The following AGBL1 variants were observed in gnomAD, a reference collection of about 807,000 sequenced individuals.
AGBL1 encodes the protein AGBL carboxypeptidase 1, also known as cytosolic carboxypeptidase 4.
In AGBL1, 130 loss-of-function variants were observed where a neutral mutation model predicts 118.9. The observed-to-expected ratio is 1.09, with a 90% confidence interval of 0.95 to 1.26. The LOEUF (loss-of-function observed/expected upper bound fraction) is 1.26, where lower values mean the gene tolerates loss of function less well. Ranked by LOEUF, AGBL1 falls within the 50% of genes most tolerant of loss-of-function variation. The pLI is 0.00. For synonymous variants in AGBL1, 555 were observed against 478.9 expected, an observed-to-expected ratio of 1.16 and a Z score of -2.08; for missense variants, 1,584 against 1,298.1, an observed-to-expected ratio of 1.22 and a Z score of -3.38.
At chr15:86,825,654 GGGAAGGGAAAGAGGGAGGGAGGAA>G (rs1229077862) in intron 22 of AGBL1, among the ~76,000 whole-genome samples, 1 of 143,782 alleles carries the variant, frequency 7.0e-6, no homozygotes, top group Non-Finnish European at 1.5e-5. Flanking sequence ...AAGAAAGGAA[GGGAAGGGAAAGAGGGAGGGAGGAA>G]GGAAGGGAGA....
chr15:86,643,839 A>G lies in AGBL1; in HGVS notation c.2995-30434A>G, dbSNP rs139681566. Among the ~76,000 whole-genome samples, 15 of 152,296 alleles carry G rather than the reference A, an allele frequency of 9.8e-5. No individual in the cohort carries two copies. The East Asian group carries it at 1.5e-3, about 16-fold the overall frequency. On this transcript the variant is annotated intron_variant, in intron 21 of 22. Coordinates refer to ENST00000614907, the MANE Select transcript of AGBL1 (RefSeq NM_001386094.1). ...TGTGGACATATCTAAATAGTTTACT[A>G]TTTTGTTATGCATTTACTCTTTAAC...
At chr15:86,368,211 G>A (rs371025044) in intron 17 of AGBL1, among the ~76,000 whole-genome samples, 1 of 151,926 alleles carries the variant, frequency 6.6e-6, no homozygotes, top group Non-Finnish European at 1.5e-5. Context: ...AATATTTCTG[G>A]ACTGGGGGTC....
At chr15:86,918,412 TCTC>T (rs1567239913), downstream of AGBL1, among the ~76,000 whole-genome samples, 4 of 152,086 alleles carry the variant, frequency 2.6e-5, no homozygotes. Flanking sequence ...GCAGTGGACA[TCTC>T]CTCCCTTCAT....
At chr15:86,241,562 G>T (rs2078641375) in intron 6 of AGBL1, among the ~76,000 whole-genome samples, 1 of 152,064 alleles carries the variant, frequency 6.6e-6, no homozygotes, top group African/African-American at 2.4e-5. Context: ...CAAGATCAAG[G>T]GTGTGGCATC....
At chr15:86,782,838 G>A (rs1351687891) in intron 22 of AGBL1, among the ~76,000 whole-genome samples, 3 of 152,170 alleles carry the variant, frequency 2.0e-5, no homozygotes, top group Non-Finnish European at 4.4e-5. Flanking sequence ...GCAGTGAAAT[G>A]TTTTAAGAAT....
intron 17 of AGBL1, chr15:86,296,517 C>G (rs1000577527): frequency 6.6e-6 from 1 of 152,286 alleles, no homozygotes; most frequent in South Asian, 2.1e-4. Context: ...ACACAGCCTT[C>G]CCTGAGGAAG....
chr15:86,485,727 G>A (rs887596635), intron 18 of AGBL1, among the ~76,000 whole-genome samples: 4 of 152,082 alleles, frequency 2.6e-5, no homozygotes, highest in African/African-American at 9.7e-5. Flanking sequence ...GTGGACCGTA[G>A]TTTGCAAACT....
downstream of AGBL1, chr15:87,029,065 C>T: frequency 4.0e-6 from 2 of 498,064 alleles, no homozygotes; most frequent in Middle Eastern, 3.2e-4. Context: ...GTTCATAGTT[C>T]TCTGAACCTA....
At chr15:86,171,908 G>A (rs1211732305) in intron 5 of AGBL1, among the ~76,000 whole-genome samples, 3 of 152,166 alleles carry the variant, frequency 2.0e-5, no homozygotes, top group Admixed American at 6.5e-5. Context: ...GATGAAATTG[G>A]TGACTATTAT....
chr15:86,731,307 A>G (rs938777577), intron 22 of AGBL1, among the ~76,000 whole-genome samples: 2 of 152,184 alleles, frequency 1.3e-5, no homozygotes, highest in Non-Finnish European at 2.9e-5. Context: ...GACTAACTTC[A>G]TGGGGGACAC....
chr15:86,536,613 A>G (rs1345936757), intron 19 of AGBL1, among the ~76,000 whole-genome samples: 1 of 152,202 alleles, frequency 6.6e-6, no homozygotes, highest in Non-Finnish European at 1.5e-5. Flanking sequence ...CTGGTCAAAA[A>G]TCTGGGATGT....
intron 18 of AGBL1, among the ~76,000 whole-genome samples, chr15:86,405,486 A>G (rs2142002027): frequency 6.6e-6 from 1 of 152,128 alleles, no homozygotes; most frequent in South Asian, 2.1e-4. Context: ...CAGCCTGGGC[A>G]ACAGAGTGAG....
At chr15:86,589,838 G>T (rs2084307799) in intron 21 of AGBL1, among the ~76,000 whole-genome samples, 1 of 151,994 alleles carries the variant, frequency 6.6e-6, no homozygotes, top group African/African-American at 2.4e-5. Flanking sequence ...TCTGAGAGTA[G>T]TTTGGAGACA....
chr15:86,475,975 A>C (rs2082553154), intron 18 of AGBL1, among the ~76,000 whole-genome samples: 1 of 152,184 alleles, frequency 6.6e-6, no homozygotes, highest in Non-Finnish European at 1.5e-5. Flanking sequence ...AGCCAAACTA[A>C]GCTTCATAAA....
intron 23 of AGBL1, among the ~76,000 whole-genome samples, chr15:86,972,023 C>A (rs987226614): frequency 3.9e-5 from 6 of 151,964 alleles, no homozygotes; most frequent in African/African-American, 1.4e-4. Context: ...TGAGGCTTCC[C>A]TAGTCATGCT....
At chr15:86,735,602 CTG>C (rs35147328) in intron 22 of AGBL1, among the ~76,000 whole-genome samples, 42,143 of 141,658 alleles carry the variant, frequency 0.3, 6,488 homozygotes, top group East Asian at 0.5. Flanking sequence ...GAGATACAGA[CTG>C]TGTGTGTGTG....
downstream of AGBL1, among the ~76,000 whole-genome samples, chr15:87,029,504 A>G (rs534192051): frequency 3.0e-4 from 35 of 117,420 alleles, no homozygotes; most frequent in Admixed American, 4.1e-4. Context: ...TAATAACAAC[A>G]ACGACAGCAA....
chr15:86,495,058 G>T (rs1020646397), intron 18 of AGBL1, among the ~76,000 whole-genome samples: 16 of 150,848 alleles, frequency 1.1e-4, no homozygotes, highest in African/African-American at 3.9e-4. Flanking sequence ...CCTGAACCTG[G>T]CATCAGTTTT....
At chr15:86,349,329 C>T (rs540079795) in intron 17 of AGBL1, among the ~76,000 whole-genome samples, 4 of 152,184 alleles carry the variant, frequency 2.6e-5, no homozygotes, top group Admixed American at 2.6e-4. Flanking sequence ...AAGACAACCA[C>T]CTATAACAAG....
Sources: gnomAD v4.1 joint callset for allele counts (sites outside exome capture counted in the v4.1 genomes callset) on GRCh38, gnomAD v4.1.1 for gene constraint, MANE v1.5 for transcripts, NCBI Gene and HGNC (gene_info 2026-07-23, HGNC 2026-07-21) for gene names.